Variants in DCUN1D3 observed in about 807,000 individuals in gnomAD.
DCUN1D3 encodes the protein defective in cullin neddylation 1 domain containing 3.
DCUN1D3 carries 6 observed loss-of-function variants against 24.8 expected under a neutral mutation model. That is an observed-to-expected ratio of 0.24 (90% CI 0.13 to 0.48). DCUN1D3 has a LOEUF of 0.48. Among genes scored for constraint, DCUN1D3 ranks in the 20% least tolerant of loss-of-function variants. The pLI, the probability that DCUN1D3 is intolerant of heterozygous loss-of-function variation, is 0.99. For missense variants in DCUN1D3, 258 were observed against 379.4 expected (o/e 0.68, Z 2.66); for synonymous variants, 120 against 144.9 (o/e 0.83, Z 1.24).
intron 1 of DCUN1D3, among the ~76,000 whole-genome samples, chr16:20,889,963 A>C (rs1007367794): frequency 4.6e-5 from 7 of 152,130 alleles, no homozygotes; most frequent in African/African-American, 1.7e-4. Flanking sequence ...TAAGTAATGA[A>C]ACCTCAATCA....
intron 1 of DCUN1D3, among the ~76,000 whole-genome samples, chr16:20,898,586 A>G (rs1480516568): frequency 1.3e-5 from 2 of 152,234 alleles, no homozygotes; most frequent in African/African-American, 2.4e-5. Flanking sequence ...TGAAACATCT[A>G]AACACGCTGT....
chr16:20,887,664 C>T (rs1017437174), intron 1 of DCUN1D3, among the ~76,000 whole-genome samples: 1 of 152,210 alleles, frequency 6.6e-6, no homozygotes, highest in Non-Finnish European at 1.5e-5. Context: ...CAGAGGAGTT[C>T]ACCAACAAGT....
At chr16:20,887,321 T>A (rs2152518554) in intron 1 of DCUN1D3, among the ~76,000 whole-genome samples, 1 of 152,048 alleles carries the variant, frequency 6.6e-6, no homozygotes, top group Admixed American at 6.5e-5. Context: ...GTAAATACAA[T>A]AAAAAACAGA....
At chr16:20,883,697 G>A (rs892962544) in intron 1 of DCUN1D3, among the ~76,000 whole-genome samples, 2 of 152,128 alleles carry the variant, frequency 1.3e-5, no homozygotes, top group Non-Finnish European at 2.9e-5. Context: ...AGGCCAAACT[G>A]TTCAGAAGGA....
chr16:20,899,236 A>G (rs1024056295), intron 1 of DCUN1D3, among the ~76,000 whole-genome samples: 1 of 152,286 alleles, frequency 6.6e-6, no homozygotes, highest in Non-Finnish European at 1.5e-5. Context: ...ATCCAGAATT[A>G]GCCTAGCAAA....
At chr16:20,879,809 T>C (rs1041240940) in intron 1 of DCUN1D3, among the ~76,000 whole-genome samples, 1 of 152,194 alleles carries the variant, frequency 6.6e-6, no homozygotes, top group East Asian at 1.9e-4. Context: ...TTAACTCCTA[T>C]TCACCCAGGT....
chr16:20,862,319 C>G lies in DCUN1D3; in HGVS notation c.220G>C (p.Asp74His), dbSNP rs1347633456. The change falls in exon 2 of 3, where the codon GAT becomes CAT. Residue 74 changes from aspartate to histidine, a missense_variant. Physicochemically the swap from Asp to His is moderately conservative, Grantham distance 81. Coordinates refer to ENST00000324344, the MANE Select transcript of DCUN1D3 (RefSeq NM_173475.4). Reference protein sequence around the residue: ...EACQLPTSSGDAGRESKSNAE... With the variant: ...EACQLPTSSGHAGRESKSNAE... ...TTGGACTTGGACTCCCTCCCAGCAT[C>G]TCCCGAGGACGTTGGCAGCTGGCAG... 6.2e-7 allele frequency: 1 copy of G among 1,614,230 alleles called. No individual in the cohort carries two copies. The highest frequency in any genetic ancestry group is 1.1e-5 in the South Asian group (1 of 91,086).
chr16:20,890,930 T>A (rs1031978188), intron 1 of DCUN1D3, among the ~76,000 whole-genome samples: 2 of 151,376 alleles, frequency 1.3e-5, no homozygotes, highest in African/African-American at 4.9e-5. Flanking sequence ...TTTTTTTTTT[T>A]AAAGAAGAAA....
chr16:20,872,071 CA>C (rs1329926232), intron 1 of DCUN1D3, among the ~76,000 whole-genome samples: 4 of 152,178 alleles, frequency 2.6e-5, no homozygotes, highest in Admixed American at 2.6e-4. Context: ...CACTGATTAG[CA>C]CTAATACCCT....
Position 20,856,468 on chromosome 16 carries a change from G to T in DCUN1D3, c.*3418C>A, listed in dbSNP as rs2081703391. The T allele has an allele frequency of 6.6e-6, 1 of 152,196 alleles. No homozygotes were observed. Among genetic ancestry groups the T allele is most frequent in the East Asian group, 1.9e-4 (1 of 5,200 alleles). The allele number at this position is 152,196 out of a possible 1,614,324, so 9.4% of individuals were successfully genotyped here. ...TCCCTTTCCAAAAAGACTAGTTTGT[G>T]CTTTCCTTGGGGAAGTTTAATATTG... On this transcript the variant is annotated 3_prime_UTR_variant, in exon 3 of 3. Coordinates refer to ENST00000324344, the MANE Select transcript of DCUN1D3 (RefSeq NM_173475.4).
At chr16:20,869,223 G>A (rs1416180917) in intron 1 of DCUN1D3, among the ~76,000 whole-genome samples, 1 of 152,248 alleles carries the variant, frequency 6.6e-6, no homozygotes, top group Non-Finnish European at 1.5e-5. Flanking sequence ...AACCAGGCAA[G>A]TCCCTGTCTT....
At chr16:20,878,151 A>G (rs2081825507) in intron 1 of DCUN1D3, among the ~76,000 whole-genome samples, 1 of 152,096 alleles carries the variant, frequency 6.6e-6, no homozygotes, top group South Asian at 2.1e-4. Context: ...CGAAGCACCC[A>G]CTACCTTCAG....
intron 1 of DCUN1D3, among the ~76,000 whole-genome samples, chr16:20,886,335 T>C (rs1240917873): frequency 6.6e-6 from 1 of 152,184 alleles, no homozygotes; most frequent in Non-Finnish European, 1.5e-5. Flanking sequence ...ACCTACAAAC[T>C]TCAGCCATTC....
intron 1 of DCUN1D3, among the ~76,000 whole-genome samples, chr16:20,864,684 CGCATGCGAATGTTCACT>C (rs2081752104): frequency 6.6e-6 from 1 of 152,134 alleles, no homozygotes; most frequent in Admixed American, 6.5e-5. Context: ...CAAAGACACA[CGCATGCGAATGTTCACT>C]GCAGCACTAT....
At position 20,859,811 on chromosome 16, in the gene DCUN1D3, T is replaced by C; in HGVS notation, c.*75A>G. 1 of 1,509,198 alleles carries C rather than the reference T, an allele frequency of 6.6e-7. No individual in the cohort carries two copies. Among genetic ancestry groups the C allele is most frequent in the Non-Finnish European group, 8.9e-7 (1 of 1,129,126 alleles). 93.5% of individuals were successfully genotyped at this position (1,509,198 alleles called of 1,614,324 possible). On this transcript the variant is annotated 3_prime_UTR_variant, in exon 3 of 3. Coordinates refer to ENST00000324344, the MANE Select transcript of DCUN1D3 (RefSeq NM_173475.4). The stretch of plus-strand genomic sequence containing the variant: ...GAAAATATCCGGATCTTCAGTAATT[T>C]CCAAAATGGTCCAATTCCTCAGTTG...
At chr16:20,896,497 A>G (rs1260903559) in intron 1 of DCUN1D3, 1 of 152,216 alleles carries the variant, frequency 6.6e-6, no homozygotes, top group African/African-American at 2.4e-5. Flanking sequence ...TTAGTAGCCA[A>G]TGTAGGAGAC....
intron 2 of DCUN1D3, among the ~76,000 whole-genome samples, chr16:20,861,842 C>G (rs1415509334): frequency 1.3e-5 from 2 of 152,146 alleles, no homozygotes; most frequent in Admixed American, 6.5e-5. Flanking sequence ...GTGCCTGGGC[C>G]TTCCCTGCTG....
At chr16:20,877,277 G>T (rs2081820767) in intron 1 of DCUN1D3, among the ~76,000 whole-genome samples, 1 of 152,006 alleles carries the variant, frequency 6.6e-6, no homozygotes, top group South Asian at 2.1e-4. Flanking sequence ...AAAGGTCACG[G>T]TGAAGAATAA....
intron 1 of DCUN1D3, among the ~76,000 whole-genome samples, chr16:20,874,677 T>C (rs183172992): frequency 1.5e-4 from 23 of 152,284 alleles, no homozygotes; most frequent in Non-Finnish European, 2.6e-4. Flanking sequence ...ACTGAGACAA[T>C]TTCTCTTTGA....
Sources: allele counts gnomAD v4.1 joint callset (sites outside exome capture counted in the v4.1 genomes callset), GRCh38; gene constraint gnomAD v4.1.1; transcripts MANE v1.5; gene names NCBI Gene and HGNC (gene_info 2026-07-23, HGNC 2026-07-21).